STK32B: variants seen among roughly 807,000 people sequenced by gnomAD.
The protein encoded by STK32B is serine/threonine kinase 32B.
In STK32B, 43 loss-of-function variants were observed where a neutral mutation model predicts 52.6. That is an observed-to-expected ratio of 0.82 (90% CI 0.64 to 1.05). The LOEUF is 1.05. Among genes scored for constraint, STK32B ranks in the 50% least tolerant of loss-of-function variants. The pLI is 0.00. For missense variants in STK32B, 621 were observed against 534.6 expected, an observed-to-expected ratio of 1.16 and a Z score of -1.59; for synonymous variants, 238 against 204.3, an observed-to-expected ratio of 1.17 and a Z score of -1.41.
At chr4:5,335,452 C>G (rs1452335514) in intron 4 of STK32B, among the ~76,000 whole-genome samples, 6 of 151,844 alleles carry the variant, frequency 4.0e-5, no homozygotes, top group East Asian at 1.9e-4. Context: ...TTAATTTTTT[C>G]AATGGTTTTT....
chr4:5,341,102 C>T (rs1460142236), intron 4 of STK32B, among the ~76,000 whole-genome samples: 1 of 152,174 alleles, frequency 6.6e-6, no homozygotes, highest in African/African-American at 2.4e-5. Context: ...ACAGAATGCT[C>T]ATAGAGTGAG....
intron 1 of STK32B, among the ~76,000 whole-genome samples, chr4:5,090,571 G>A (rs1713020632): frequency 6.6e-6 from 1 of 151,898 alleles, no homozygotes; most frequent in African/African-American, 2.4e-5. Flanking sequence ...CACTGTGTTA[G>A]CCAGGATGGT....
chr4:5,340,320 G>C (rs1407734599), intron 4 of STK32B, among the ~76,000 whole-genome samples: 2 of 152,236 alleles, frequency 1.3e-5, no homozygotes, highest in Admixed American at 6.5e-5. Flanking sequence ...GAGTGGGGCA[G>C]GGGCCGAGTT....
At chr4:5,151,517 CTT>C (rs1195760858) in intron 2 of STK32B, among the ~76,000 whole-genome samples, 2 of 152,348 alleles carry the variant, frequency 1.3e-5, no homozygotes, top group African/African-American at 4.8e-5. Context: ...TCACAGAAAT[CTT>C]TTCACTGTCA....
chr4:5,376,750 A>G (rs1186974748), intron 4 of STK32B, among the ~76,000 whole-genome samples: 2 of 152,072 alleles, frequency 1.3e-5, no homozygotes, highest in South Asian at 2.1e-4. Flanking sequence ...GCACTCTCCA[A>G]TGCCAAATAG....
chr4:5,322,292 G>A (rs1347693385), intron 3 of STK32B, among the ~76,000 whole-genome samples: 1 of 152,170 alleles, frequency 6.6e-6, no homozygotes, highest in Non-Finnish European at 1.5e-5. Context: ...GCGCTCCATT[G>A]TTGGATTTCT....
At chr4:5,362,809 G>A (rs1381089669) in intron 4 of STK32B, among the ~76,000 whole-genome samples, 1 of 152,152 alleles carries the variant, frequency 6.6e-6, no homozygotes, top group Non-Finnish European at 1.5e-5. Context: ...TGAGGCAAAG[G>A]CACCTGGACA....
chr4:5,465,175 C>T (rs16837322), intron 9 of STK32B, among the ~76,000 whole-genome samples: 7,978 of 152,186 alleles, frequency 0.052, 432 homozygotes, highest in East Asian at 0.29. Context: ...CATTAGCCCA[C>T]GAATGACACA....
At chr4:5,148,113 A>G (rs907594271) in intron 2 of STK32B, among the ~76,000 whole-genome samples, 2 of 151,994 alleles carry the variant, frequency 1.3e-5, no homozygotes, top group South Asian at 4.1e-4. Flanking sequence ...TTTTTCGTAT[A>G]TAACTTTTGG....
At chr4:5,363,294 C>G (rs893960163) in intron 4 of STK32B, among the ~76,000 whole-genome samples, 1 of 152,064 alleles carries the variant, frequency 6.6e-6, no homozygotes, top group Non-Finnish European at 1.5e-5. Flanking sequence ...ATTTATGCAC[C>G]TATTATTTCG....
At chr4:5,372,732 C>A (rs985367292) in intron 4 of STK32B, among the ~76,000 whole-genome samples, 2 of 136,294 alleles carry the variant, frequency 1.5e-5, no homozygotes, top group African/African-American at 2.9e-5. Context: ...GGGGGGGGGG[C>A]GGTTATTTCA....
intron 6 of STK32B, among the ~76,000 whole-genome samples, chr4:5,428,712 T>C (rs1713307149): frequency 6.6e-6 from 1 of 152,242 alleles, no homozygotes; most frequent in Non-Finnish European, 1.5e-5. Flanking sequence ...TGATTTTTTG[T>C]CTACTTCTTA....
intron 1 of STK32B, among the ~76,000 whole-genome samples, chr4:5,083,986 C>T (rs1424106535): frequency 6.6e-6 from 1 of 152,194 alleles, no homozygotes; most frequent in African/African-American, 2.4e-5. Flanking sequence ...ATCCACTGGC[C>T]TCAGCCTTGC....
intron 3 of STK32B, among the ~76,000 whole-genome samples, chr4:5,241,499 C>G (rs1725020636): frequency 6.6e-6 from 1 of 152,090 alleles, no homozygotes; most frequent in African/African-American, 2.4e-5. Context: ...AGGTGGAATC[C>G]ATTGGAATTC....
At chr4:5,090,387 T>G (rs1461069398) in intron 1 of STK32B, among the ~76,000 whole-genome samples, 2 of 146,260 alleles carry the variant, frequency 1.4e-5, no homozygotes, top group African/African-American at 5.1e-5. Flanking sequence ...TTTTTTTTTT[T>G]TTTTTCGAGA....
intron 1 of STK32B, among the ~76,000 whole-genome samples, chr4:5,132,367 G>A (rs1424264088): frequency 6.6e-6 from 1 of 152,144 alleles, no homozygotes; most frequent in Non-Finnish European, 1.5e-5. Context: ...GGATCAAAAA[G>A]CTACCTATTA....
At chr4:5,207,225 A>G (rs952588335) in intron 3 of STK32B, among the ~76,000 whole-genome samples, 1 of 152,184 alleles carries the variant, frequency 6.6e-6, no homozygotes, top group Non-Finnish European at 1.5e-5. Flanking sequence ...ACACTGTGAT[A>G]TGGTTTGGCT....
rs147632351 is a variant in STK32B at position 5,385,556 on chromosome 4, C to A, written c.435-12651C>A. On this transcript the variant is annotated intron_variant, in intron 4 of 11. Coordinates refer to ENST00000282908, the MANE Select transcript of STK32B (RefSeq NM_018401.3). ...GTGTTTCCAGAGGCCAGGCATGCTC[C>A]GGCAAGATTACTAGGTTGGAATTTT... Among the ~76,000 whole-genome samples, 749 of 152,024 alleles carry A rather than the reference C, an allele frequency of 4.9e-3. 6 individuals are homozygous for A. The highest frequency in any genetic ancestry group is 0.014 in the Middle Eastern group (4 of 294).
intron 7 of STK32B, among the ~76,000 whole-genome samples, chr4:5,456,163 C>G (rs1398250610): frequency 6.6e-6 from 1 of 152,202 alleles, no homozygotes; most frequent in Non-Finnish European, 1.5e-5. Context: ...GGCTTAGAAG[C>G]AAGAAACTGC....
Sources: gnomAD v4.1 joint callset for allele counts (sites outside exome capture counted in the v4.1 genomes callset) on GRCh38, gnomAD v4.1.1 for gene constraint, MANE v1.5 for transcripts, NCBI Gene and HGNC (gene_info 2026-07-23, HGNC 2026-07-21) for gene names.